PLOD2: variants seen among roughly 807,000 people sequenced by gnomAD.
PLOD2 encodes procollagen-lysine,2-oxoglutarate 5-dioxygenase 2.
A neutral mutation model predicts 101.0 loss-of-function variants in PLOD2; 65 were observed. The ratio of observed to expected loss-of-function variants is 0.64; its 90% CI spans 0.53 to 0.79. The LOEUF (loss-of-function observed/expected upper bound fraction) is 0.79, where lower values mean the gene tolerates loss of function less well. Ranked by LOEUF, PLOD2 falls within the 30% of genes least tolerant of loss-of-function variation. The probability of loss-of-function intolerance (pLI) is 0.00; values close to 1 mark genes in which losing one functional copy is unlikely to be tolerated. For synonymous variants in PLOD2, 314 were observed against 302.9 expected (o/e 1.04, Z -0.38); for missense variants, 909 against 914.6 (o/e 0.99, Z 0.08).
rs753738496 is a variant in PLOD2 at position 146,079,197 on chromosome 3, T to G, written c.1419A>C (p.Arg473=). Reference sequence around the variant, plus strand: ...AATAGTTCCTTTCATTCATCTCTGATCGGAGTGTCTTTCCTTTAATTAAGT... The same window carrying G: ...AATAGTTCCTTTCATTCATCTCTGAGCGGAGTGTCTTTCCTTTAATTAAGT... The part of the protein sequence containing the change: ...NVYLIKGKTL[R]SEMNERNYFV... Residue 473 remains arginine, a synonymous_variant, in exon 13 of 20, where the codon CGA becomes CGC. Coordinates refer to ENST00000282903, the MANE Select transcript of PLOD2 (RefSeq NM_182943.3). 1.2e-6 allele frequency: 2 copies of G among 1,610,932 alleles called. No individual in the cohort carries two copies. The highest frequency in any genetic ancestry group is 2.7e-5 in the African/African-American group (2 of 74,874).
intron 5 of PLOD2, 33 bp downstream of exon 5, chr3:146,106,499 C>G (rs1266486831): frequency 1.0e-6 from 1 of 995,940 alleles, no homozygotes; most frequent in East Asian, 2.4e-5. Flanking sequence ...ACAACCAAAT[C>G]AATAAAACAA....
intron 1 of PLOD2, among the ~76,000 whole-genome samples, chr3:146,153,200 T>C (rs2032145964): frequency 6.6e-6 from 1 of 152,124 alleles, no homozygotes. Flanking sequence ...CTCTAAGACT[T>C]CCCCAGGTGA....
intron 7 of PLOD2, among the ~76,000 whole-genome samples, chr3:146,098,196 T>A (rs902132772): frequency 6.6e-6 from 1 of 152,174 alleles, no homozygotes; most frequent in Non-Finnish European, 1.5e-5. Flanking sequence ...GTTCAGCACA[T>A]GTATCCAAGA....
chr3:146,105,090 A>G (rs1249128611), intron 5 of PLOD2: 2 of 152,214 alleles, frequency 1.3e-5, no homozygotes, highest in Non-Finnish European at 2.9e-5. Context: ...GCAACAAAAG[A>G]GCTATCCCTC....
At chr3:146,074,277 A>G (rs935942657) in intron 15 of PLOD2, among the ~76,000 whole-genome samples, 19 of 151,610 alleles carry the variant, frequency 1.3e-4, no homozygotes, top group African/African-American at 3.4e-4. Flanking sequence ...ATTTCTAGAA[A>G]TTATTAATTT....
intron 7 of PLOD2, among the ~76,000 whole-genome samples, chr3:146,098,316 CAAT>C (rs1937274142): frequency 7.0e-6 from 1 of 142,182 alleles, no homozygotes. Flanking sequence ...ACATTACTAA[CAAT>C]AAATGGGTTT....
At chr3:146,152,419 CAA>C (rs979725983) in intron 1 of PLOD2, among the ~76,000 whole-genome samples, 1 of 140,944 alleles carries the variant, frequency 7.1e-6, no homozygotes, top group African/African-American at 2.6e-5. Flanking sequence ...GACTCCGTCT[CAA>C]AAAAAAAAAA....
At chr3:146,147,645 T>C (rs1170392) in intron 1 of PLOD2, among the ~76,000 whole-genome samples, 104,468 of 152,054 alleles carry the variant, frequency 0.69, 36,285 homozygotes, top group East Asian at 0.8. Flanking sequence ...AAAATGTCTC[T>C]AGACGTTACC....
intron 1 of PLOD2, among the ~76,000 whole-genome samples, chr3:146,146,240 G>C (rs968558392): frequency 5.6e-5 from 8 of 142,952 alleles, no homozygotes; most frequent in Non-Finnish European, 7.6e-5. Context: ...TTAATGCTTT[G>C]CCAAGCTTCA....
chr3:146,089,717 T>G (rs376975651), intron 8 of PLOD2, among the ~76,000 whole-genome samples: 3 of 151,734 alleles, frequency 2.0e-5, no homozygotes, highest in Admixed American at 1.3e-4. Context: ...TTCATTCACT[T>G]GCCCAAATAT....
At chr3:146,147,830 G>C (rs1228321513) in intron 1 of PLOD2, among the ~76,000 whole-genome samples, 1 of 152,166 alleles carries the variant, frequency 6.6e-6, no homozygotes, top group African/African-American at 2.4e-5. Flanking sequence ...GAAGAGGCCA[G>C]GCACCTGCTA....
At chr3:146,130,477 A>T (rs1170531748) in intron 1 of PLOD2, among the ~76,000 whole-genome samples, 1 of 152,202 alleles carries the variant, frequency 6.6e-6, no homozygotes, top group Non-Finnish European at 1.5e-5. Context: ...GGCAGAGAAC[A>T]TTCTTTTGCT....
At chr3:146,115,415 TG>T (rs1042032727) in intron 3 of PLOD2, among the ~76,000 whole-genome samples, 1 of 152,166 alleles carries the variant, frequency 6.6e-6, no homozygotes, top group Non-Finnish European at 1.5e-5. Flanking sequence ...TTTTCCTTTT[TG>T]TCCTTCTGTG....
At position 146,110,349 on chromosome 3, in the gene PLOD2, T is replaced by G; in HGVS notation, c.438A>C (p.Pro146=). The change falls in exon 4 of 20, where the codon CCA becomes CCC. Residue 146 remains proline, a synonymous_variant. Transcript: ENST00000282903. The part of the protein sequence containing the change: ...VVFAADGILW[P]DKRLADKYPV... ...GATACTTGTCTGCTAGTCTTTTATCTGGCCACAAAATTCCATCTGCTGCAA... is the reference window on the plus strand; with the variant it reads ...GATACTTGTCTGCTAGTCTTTTATCGGGCCACAAAATTCCATCTGCTGCAA... The G allele has an allele frequency of 6.2e-7, 1 of 1,613,840 alleles. No individual in the cohort carries two copies. The highest frequency in any genetic ancestry group is 8.5e-7 in the Non-Finnish European group (1 of 1,179,820).
At chr3:146,159,867 G>A (rs2032487042) in intron 1 of PLOD2, among the ~76,000 whole-genome samples, 1 of 152,156 alleles carries the variant, frequency 6.6e-6, no homozygotes, top group Non-Finnish European at 1.5e-5. Flanking sequence ...ACTTAAAGAT[G>A]AAGACAAAAC....
chr3:146,081,753 A>C lies in PLOD2; in HGVS notation c.1343T>G (p.Val448Gly). The change falls in exon 12 of 20, where the codon GTT becomes GGT. Residue 448 changes from valine (V) to glycine (G), a missense_variant. Coordinates refer to ENST00000282903, the MANE Select transcript of PLOD2 (RefSeq NM_182943.3). ...YARSEDYVDI[V>G]QGNRVGVWNV... ...AGTAACTTACACTCTATTCCCTTGA[A>C]CAATATCCACATAATCTTCAGATCG... 2 of 1,608,674 alleles carry C rather than the reference A, an allele frequency of 1.2e-6. No homozygotes were observed. Among genetic ancestry groups the C allele is most frequent in the Non-Finnish European group, 1.7e-6 (2 of 1,175,230 alleles).
intron 7 of PLOD2, among the ~76,000 whole-genome samples, chr3:146,101,468 A>C (rs1398470938): frequency 6.6e-6 from 1 of 152,214 alleles, no homozygotes; most frequent in Non-Finnish European, 1.5e-5. Flanking sequence ...GGGAAGGAGC[A>C]TTCAAGTAGG....
intron 3 of PLOD2, among the ~76,000 whole-genome samples, chr3:146,111,832 T>C (rs897656352): frequency 1.4e-5 from 2 of 140,186 alleles, no homozygotes; most frequent in Non-Finnish European, 3.2e-5. Context: ...CTCAAGACTA[T>C]AAGTTGTTGA....
intron 1 of PLOD2, among the ~76,000 whole-genome samples, chr3:146,154,151 CT>C (rs2032193731): frequency 6.6e-6 from 1 of 152,182 alleles, no homozygotes; most frequent in African/African-American, 2.4e-5. Flanking sequence ...TTCCTGACCA[CT>C]TTCCTGCCTC....
Sources: allele counts gnomAD v4.1 joint callset (sites outside exome capture counted in the v4.1 genomes callset), GRCh38; gene constraint gnomAD v4.1.1; transcripts MANE v1.5; gene names NCBI Gene and HGNC (gene_info 2026-07-23, HGNC 2026-07-21).